Variants in SPTB observed in about 807,000 individuals in gnomAD.
SPTB encodes the protein spectrin beta chain, erythrocytic.
A neutral mutation model predicts 256.2 loss-of-function variants in SPTB; 45 were observed. The ratio of observed to expected loss-of-function variants is 0.18; its 90% CI spans 0.14 to 0.23. The LOEUF is 0.23. Among genes scored for constraint, SPTB ranks in the 10% least tolerant of loss-of-function variants. The pLI is 1.00. For missense variants in SPTB, 2,715 were observed against 3,040.4 expected, an observed-to-expected ratio of 0.89 and a Z score of 2.52; for synonymous variants, 1,231 against 1,243.1, an observed-to-expected ratio of 0.99 and a Z score of 0.21.
chr14:64,795,624 C>A lies in SPTB; in HGVS notation c.1357G>T (p.Asp453Tyr), dbSNP rs568264177. 22 of 1,614,056 alleles carry A rather than the reference C, an allele frequency of 1.4e-5. No individual in the cohort carries two copies. In the South Asian group the frequency reaches 2.4e-4, roughly 18 times the overall value. Residue 453 changes from aspartate (D) to tyrosine (Y), a missense_variant, in exon 12 of 36, where the codon GAC becomes TAC. Physicochemically the swap from Asp to Tyr is radical, Grantham distance 160. Coordinates refer to ENST00000644917, the MANE Select transcript of SPTB (RefSeq NM_001355436.2). The surrounding 1 kb of genome is among the most constrained non-coding windows in gnomAD (Gnocchi z 6.5). ...RLVAQDNFGY[D>Y]LAAVEAAKKK... Reference sequence around the variant, plus strand: ...TTGGCGGCCTCCACAGCTGCCAGGTCATACCCAAAGTTATCCTGCCCCACC... The same window carrying A: ...TTGGCGGCCTCCACAGCTGCCAGGTAATACCCAAAGTTATCCTGCCCCACC...
At chr14:64,761,176 G>A (rs934286920) in intron 32 of SPTB, among the ~76,000 whole-genome samples, 7 of 152,148 alleles carry the variant, frequency 4.6e-5, no homozygotes, top group African/African-American at 1.2e-4. Flanking sequence ...TGTTGCCCTC[G>A]CCCGGTGTCT....
At chr14:64,769,248 G>T (rs1594755456) in intron 28 of SPTB, 130 bp from the exon 29 acceptor site, 36 of 922,156 alleles carry the variant, frequency 3.9e-5, no homozygotes, top group Middle Eastern at 2.7e-4. Context: ...TGGCCCAGCT[G>T]CTTGCCAGCT....
Position 64,779,912 on chromosome 14 carries a change from T to C in SPTB, c.4286A>G (p.Asn1429Ser), listed in dbSNP as rs2082434011. The C allele has an allele frequency of 6.2e-7, 1 of 1,613,860 alleles. No individual in the cohort carries two copies. Among genetic ancestry groups the C allele is most frequent in the Non-Finnish European group, 8.5e-7 (1 of 1,179,876 alleles). The change falls in exon 21 of 36, where the codon AAT becomes AGT. Residue 1429 changes from asparagine (N) to serine (S), a missense_variant. Coordinates refer to ENST00000644917, the MANE Select transcript of SPTB (RefSeq NM_001355436.2). This position sits in a 1 kb window ranked among gnomAD's most constrained non-coding sequence, Gnocchi z 4.2. ...CTCCCCCAGCTCCTCTTTTCGCACA[T>C]TCACTTGGTCCTCCACTCGCTGAGA... ...AKLKRVEDQV[N>S]VRKEELGELF...
chr14:64,815,600 C>T (rs2083177137), intron 2 of SPTB, among the ~76,000 whole-genome samples: 1 of 152,238 alleles, frequency 6.6e-6, no homozygotes, highest in Admixed American at 6.5e-5. Flanking sequence ...AGAGATTACA[C>T]TCACTGAGAA....
At chr14:64,815,368 C>T (rs1048604599) in intron 2 of SPTB, among the ~76,000 whole-genome samples, 6 of 152,164 alleles carry the variant, frequency 3.9e-5, no homozygotes, top group South Asian at 4.1e-4. Context: ...GCCCAAGCAG[C>T]GCTGTGATGA....
intron 1 of SPTB, among the ~76,000 whole-genome samples, chr14:64,830,756 C>A (rs926342107): frequency 1.3e-5 from 2 of 152,118 alleles, no homozygotes; most frequent in African/African-American, 4.8e-5. Context: ...AAGCTTTCAG[C>A]AGTACAGTCC....
At chr14:64,867,964 G>A (rs140380679) in intron 1 of SPTB, among the ~76,000 whole-genome samples, 1 of 151,796 alleles carries the variant, frequency 6.6e-6, no homozygotes, top group Non-Finnish European at 1.5e-5. Flanking sequence ...GCAGGAAAAT[G>A]AGCCTGAAGT....
intron 2 of SPTB, among the ~76,000 whole-genome samples, chr14:64,817,071 AG>A (rs2083205205): frequency 2.6e-5 from 4 of 152,262 alleles, no homozygotes; most frequent in Admixed American, 2.6e-4. Flanking sequence ...CACCCATAGA[AG>A]GGAAGCAGCC....
At chr14:64,751,554 CAT>C (rs1342260478) in intron 33 of SPTB, among the ~76,000 whole-genome samples, 2 of 152,176 alleles carry the variant, frequency 1.3e-5, no homozygotes, top group Non-Finnish European at 2.9e-5. Context: ...CATTCTTACA[CAT>C]AAATCTGTGC....
At chr14:64,803,970 G>T (rs2082935780) in intron 3 of SPTB, among the ~76,000 whole-genome samples, 190 bp from the exon 4 acceptor site, 1 of 152,204 alleles carries the variant, frequency 6.6e-6, no homozygotes, top group African/African-American at 2.4e-5. Context: ...CCTCCAACAA[G>T]CACCCAGAGA....
chr14:64,753,434 A>AC, intron 33 of SPTB, 103 bp downstream of exon 33: 2 of 1,575,364 alleles, frequency 1.3e-6, no homozygotes, highest in Non-Finnish European at 1.7e-6. Context: ...GGCAGAAGGC[A>AC]CCCCTCCCCC....
In SPTB at chr14:64,829,350, T is replaced by C. The variant is rs118064147; in HGVS notation, c.-51-6205A>G. ...CAAAAAAGAGGCAGAGAGTGAGGAC[T>C]GCTGTAAATCAAGAGAGACTCAGGA... On this transcript the variant is annotated intron_variant, in intron 1 of 35. Coordinates refer to ENST00000644917, the MANE Select transcript of SPTB (RefSeq NM_001355436.2). Among the ~76,000 whole-genome samples the C allele has an allele frequency of 7.0e-3, 1,061 of 152,308 alleles. 10 individuals are homozygous for C. The highest frequency in any genetic ancestry group is 0.015 in the Admixed American group (222 of 15,302).
Position 64,786,488 on chromosome 14 carries a change from G to A in SPTB, c.3477C>T (p.Ser1159=), listed in dbSNP as rs750232423. ...GGCACTGAGCGAGGGTGTGGCTGCG[G>A]CTCTCCCACATCCTGCCCAGGGCAT... The part of the protein sequence containing the change: ...GWNALGRMWE[S]RSHTLAQCLG... The change falls in exon 16 of 36, where the codon AGC becomes AGT. Residue 1159 remains serine (S), a synonymous_variant. Coordinates refer to ENST00000644917, the MANE Select transcript of SPTB (RefSeq NM_001355436.2). This position sits in a 1 kb window ranked among gnomAD's most constrained non-coding sequence, Gnocchi z 5.6. 7.4e-6 allele frequency: 12 copies of A among 1,613,956 alleles called. No homozygotes were observed. In the East Asian group the frequency reaches 8.9e-5, roughly 12 times the overall value.
chr14:64,829,238 A>C (rs1297665671), intron 1 of SPTB, among the ~76,000 whole-genome samples: 1 of 152,234 alleles, frequency 6.6e-6, no homozygotes, highest in African/African-American at 2.4e-5. Flanking sequence ...TAACAACTTG[A>C]GGAAGCAAAG....
Position 64,773,254 on chromosome 14 carries a change from G to C in SPTB, c.5144C>G (p.Ser1715Cys), listed in dbSNP as rs991520284. The change falls in exon 25 of 36, where the codon TCC (serine) becomes TGC (cysteine). Residue 1715 changes from serine (S) to cysteine (C), a missense_variant. By Grantham distance (112) the Ser-to-Cys change is moderately radical. This residue lies in a region of SPTB where 2,239 missense variants were observed against 2,384.4 expected (regional missense o/e 0.94). Coordinates refer to ENST00000644917, the MANE Select transcript of SPTB (RefSeq NM_001355436.2). ...WISEKELVAS[S>C]PEMGQDFDHV... Reference sequence around the variant, plus strand: ...GTCAAAGTCTTGCCCCATTTCCGGGGAAGAGGCCACTAGCTCCTTTTCTGA... The same window carrying C: ...GTCAAAGTCTTGCCCCATTTCCGGGCAAGAGGCCACTAGCTCCTTTTCTGA... The C allele has an allele frequency of 1.9e-6, 3 of 1,614,114 alleles. No individual in the cohort carries two copies. Among genetic ancestry groups the C allele is most frequent in the African/African-American group, 1.3e-5 (1 of 74,944 alleles).
rs2083719583 is a variant in SPTB at position 64,847,991 on chromosome 14, GATCA to G, written c.-51-24850_-51-24847del. Among the ~76,000 whole-genome samples, 1 of 152,150 alleles carries G rather than the reference GATCA, an allele frequency of 6.6e-6. No individual in the cohort carries two copies. Among genetic ancestry groups the G allele is most frequent in the Admixed American group, 6.5e-5 (1 of 15,276 alleles). Reference sequence around the variant, plus strand: ...TCATCTGTATCCTCATATTTATGCTGATCAATCATACAAAGCTGCTTTTCACTGT... The same window carrying G: ...TCATCTGTATCCTCATATTTATGCTGATCATACAAAGCTGCTTTTCACTGT... On this transcript the variant is annotated intron_variant, in intron 1 of 35. Coordinates refer to ENST00000644917, the MANE Select transcript of SPTB (RefSeq NM_001355436.2). The surrounding 1 kb of genome is among the most constrained non-coding windows in gnomAD (Gnocchi z 5.9).
rs1224869829 is a variant in SPTB, at chr14:64,826,178, C to T, written c.-51-3033G>A. On this transcript the variant is annotated intron_variant, in intron 1 of 35. Transcript: ENST00000644917. The surrounding 1 kb of genome is among the most constrained non-coding windows in gnomAD (Gnocchi z 4.4). ...CAGTGCATGCAGGAAGGGAAGCTCT[C>T]GGAGAATCAGGTGTAAGAGGCAGGA... Among the ~76,000 whole-genome samples, 3 of 152,116 alleles carry T rather than the reference C, an allele frequency of 2.0e-5. No homozygotes were observed. Among genetic ancestry groups the T allele is most frequent in the Non-Finnish European group, 2.9e-5 (2 of 68,036 alleles).
chr14:64,794,126 T>A (rs538730894), intron 13 of SPTB, among the ~76,000 whole-genome samples: 59 of 152,312 alleles, frequency 3.9e-4, no homozygotes, highest in African/African-American at 1.4e-3. Context: ...AAATTATTTT[T>A]AAATTAATTA....
At chr14:64,846,685 G>A (rs2083698360) in intron 1 of SPTB, among the ~76,000 whole-genome samples, 1 of 152,236 alleles carries the variant, frequency 6.6e-6, no homozygotes, top group Non-Finnish European at 1.5e-5. Context: ...ATGAGTTACT[G>A]TCACTGGGAG....
Sources: gnomAD v4.1 joint callset for allele counts (sites outside exome capture counted in the v4.1 genomes callset) on GRCh38, gnomAD v4.1.1 for gene constraint, gnomAD v4.1.1 regional missense constraint, Gnocchi (gnomAD v3.1) non-coding constraint, MANE v1.5 for transcripts, NCBI Gene and HGNC (gene_info 2026-07-23, HGNC 2026-07-21) for gene names.